The following ME3 variants were observed in gnomAD, a reference collection of about 807,000 sequenced individuals.
The protein encoded by ME3 is NADP-dependent malic enzyme, mitochondrial.
In ME3, 48 loss-of-function variants were observed where a neutral mutation model predicts 68.9. The observed-to-expected ratio is 0.70, with a 90% confidence interval of 0.55 to 0.89. The LOEUF (loss-of-function observed/expected upper bound fraction) is 0.89, where lower values mean the gene tolerates loss of function less well. ME3 is among the 40% of genes least tolerant of loss of function. ME3 has a pLI of 0.00. For missense variants in ME3, 675 were observed against 797.4 expected (o/e 0.85, Z 1.85); for synonymous variants, 320 against 318.8 (o/e 1.00, Z -0.04).
intron 7 of ME3, among the ~76,000 whole-genome samples, chr11:86,469,463 AC>A (rs1465877392): frequency 6.6e-6 from 1 of 151,750 alleles, no homozygotes. Context: ...CAGAGGCAGG[AC>A]CCCTCCCAAG....
chr11:86,662,734 C>T (rs766927627), intron 2 of ME3, among the ~76,000 whole-genome samples: 27 of 152,180 alleles, frequency 1.8e-4, no homozygotes, highest in Non-Finnish European at 3.7e-4. Flanking sequence ...ACTGCATGTC[C>T]TAAAAACATT....
chr11:86,445,934 T>G (rs1372553782), intron 13 of ME3, among the ~76,000 whole-genome samples: 1 of 151,244 alleles, frequency 6.6e-6, no homozygotes, highest in East Asian at 2.0e-4. Flanking sequence ...GGTTAAGGCC[T>G]GTGGCTGGAA....
At chr11:86,606,756 T>C (rs1318136613) in intron 2 of ME3, among the ~76,000 whole-genome samples, 2 of 152,186 alleles carry the variant, frequency 1.3e-5, no homozygotes, top group Admixed American at 6.5e-5. Context: ...GTGGTGTCTT[T>C]GGTTGGTTGA....
At chr11:86,455,727 C>G (rs1207671340) in intron 8 of ME3, among the ~76,000 whole-genome samples, 1 of 152,120 alleles carries the variant, frequency 6.6e-6, no homozygotes, top group African/African-American at 2.4e-5. Context: ...TCCTTGCTAC[C>G]CCAGGCATCC....
intron 2 of ME3, among the ~76,000 whole-genome samples, chr11:86,632,135 A>C (rs770290877): frequency 5.3e-5 from 8 of 152,216 alleles, no homozygotes; most frequent in Non-Finnish European, 1.2e-4. Context: ...CTGTGATTCC[A>C]ACTCTGACCT....
intron 2 of ME3, among the ~76,000 whole-genome samples, chr11:86,641,196 A>G (rs1944653131): frequency 6.6e-6 from 1 of 152,216 alleles, no homozygotes; most frequent in Admixed American, 6.5e-5. Flanking sequence ...ATAGGAGAAA[A>G]GTCTTCTTCT....
chr11:86,474,646 A>G (rs638135), intron 7 of ME3, among the ~76,000 whole-genome samples: 140,196 of 152,292 alleles, frequency 0.92, 64,657 homozygotes, highest in Non-Finnish European at 0.95. Flanking sequence ...ATGAGGCCAC[A>G]GGTGTCCTCC....
chr11:86,491,958 G>T (rs1343994958), intron 6 of ME3, among the ~76,000 whole-genome samples: 2 of 152,220 alleles, frequency 1.3e-5, no homozygotes, highest in African/African-American at 2.4e-5. Flanking sequence ...CAGAGGCAGA[G>T]GAATCTTCAA....
chr11:86,520,538 G>T (rs1954196290), intron 4 of ME3, among the ~76,000 whole-genome samples: 1 of 114,162 alleles, frequency 8.8e-6, no homozygotes, highest in South Asian at 3.8e-4. Flanking sequence ...AGCGGGCCCA[G>T]AATGGCTAAT....
chr11:86,482,882 C>G (rs922029052), intron 7 of ME3, among the ~76,000 whole-genome samples: 1 of 152,038 alleles, frequency 6.6e-6, no homozygotes, highest in African/African-American at 2.4e-5. Flanking sequence ...ATTGGCAAGA[C>G]CAGGAGAAGA....
chr11:86,593,160 A>G (rs1594580149), intron 2 of ME3, among the ~76,000 whole-genome samples: 1 of 152,214 alleles, frequency 6.6e-6, no homozygotes, highest in Non-Finnish European at 1.5e-5. Context: ...TTACCCTGAC[A>G]AATGAATGTG....
chr11:86,462,492 G>C (rs1004856841), intron 8 of ME3: 1 of 913,540 alleles, frequency 1.1e-6, no homozygotes, highest in Non-Finnish European at 1.3e-6. Context: ...TTGTTCAAGG[G>C]TCAGCTGTAC....
At chr11:86,583,392 A>C (rs1958552431) in intron 2 of ME3, among the ~76,000 whole-genome samples, 1 of 152,214 alleles carries the variant, frequency 6.6e-6, no homozygotes, top group African/African-American at 2.4e-5. Context: ...GTGATTTGTC[A>C]TTCAAACGAA....
intron 2 of ME3, among the ~76,000 whole-genome samples, chr11:86,659,213 A>T (rs1225967197): frequency 6.6e-6 from 1 of 152,248 alleles, no homozygotes; most frequent in Non-Finnish European, 1.5e-5. Context: ...GGTTTGCAAC[A>T]TACGTTGTTT....
intron 2 of ME3, among the ~76,000 whole-genome samples, chr11:86,608,908 C>T (rs1594651409): frequency 6.6e-6 from 1 of 152,060 alleles, no homozygotes; most frequent in Non-Finnish European, 1.5e-5. Context: ...TAAAAAGGCA[C>T]GTATTTTTTT....
intron 4 of ME3, among the ~76,000 whole-genome samples, chr11:86,511,387 T>C (rs1160266797): frequency 1.3e-5 from 2 of 152,204 alleles, no homozygotes; most frequent in African/African-American, 4.8e-5. Context: ...TTTCCATTCC[T>C]TTATGTGCCA....
At chr11:86,573,307 A>AC (rs1411205978) in intron 2 of ME3, among the ~76,000 whole-genome samples, 1 of 151,606 alleles carries the variant, frequency 6.6e-6, no homozygotes, top group African/African-American at 2.4e-5. Flanking sequence ...GTCAATTTTG[A>AC]CTTTGGTTGC....
intron 7 of ME3, among the ~76,000 whole-genome samples, chr11:86,471,636 T>TA (rs1184039597): frequency 1.3e-5 from 2 of 152,242 alleles, no homozygotes; most frequent in African/African-American, 4.8e-5. Flanking sequence ...TGCCAGAAAC[T>TA]ATACTAAGTA....
chr11:86,529,739 A>G (rs1955058999), intron 4 of ME3, among the ~76,000 whole-genome samples: 1 of 152,270 alleles, frequency 6.6e-6, no homozygotes, highest in Non-Finnish European at 1.5e-5. Context: ...GCATATAAAC[A>G]GAACCAAAGA....
Sources: allele counts gnomAD v4.1 joint callset (sites outside exome capture counted in the v4.1 genomes callset), GRCh38; gene constraint gnomAD v4.1.1; transcripts MANE v1.5; gene names NCBI Gene and HGNC (gene_info 2026-07-23, HGNC 2026-07-21).